Variants in LCORL observed in about 807,000 individuals in gnomAD.
LCORL encodes ligand dependent nuclear receptor corepressor like.
Under a neutral mutation model 141.8 loss-of-function variants are expected in LCORL, and 41 were observed. The ratio of observed to expected loss-of-function variants is 0.29; its 90% CI spans 0.23 to 0.38. The LOEUF (loss-of-function observed/expected upper bound fraction) is 0.38, where lower values mean the gene tolerates loss of function less well. Ranked by LOEUF, LCORL falls within the 10% of genes least tolerant of loss-of-function variation. The pLI, the probability that LCORL is intolerant of heterozygous loss-of-function variation, is 1.00. For missense variants in LCORL, 1,759 were observed against 2,035.0 expected (o/e 0.86, Z 2.61); for synonymous variants, 618 against 694.1 (o/e 0.89, Z 1.72).
chr4:17,941,571 A>G (rs906630261), intron 4 of LCORL, among the ~76,000 whole-genome samples: 2 of 152,184 alleles, frequency 1.3e-5, no homozygotes, highest in African/African-American at 4.8e-5. Context: ...TCCACTTCTT[A>G]TATAAGCTAA....
At chr4:17,911,889 A>C (rs1418901799) in intron 4 of LCORL, 1 of 485,180 alleles carries the variant, frequency 2.1e-6, no homozygotes, top group African/African-American at 2.0e-5. Context: ...GGGGTCTGGC[A>C]GGAAAGGGAG....
chr4:17,883,641 AAT>A, intron 6 of LCORL: 1 of 1,436,512 alleles, frequency 7.0e-7, no homozygotes, highest in Non-Finnish European at 9.1e-7. Flanking sequence ...TAGACACACA[AAT>A]ACACACCTGT....
At chr4:17,849,461 G>C (rs1428697736) in intron 7 of LCORL, among the ~76,000 whole-genome samples, 6 of 152,140 alleles carry the variant, frequency 3.9e-5, no homozygotes, top group East Asian at 1.9e-4. Flanking sequence ...CTGCAGCTGA[G>C]GGTCCTGTCT....
At chr4:17,846,065 T>C (rs573217421) in intron 7 of LCORL, among the ~76,000 whole-genome samples, 164 bp from the exon 8 acceptor site, 1 of 152,308 alleles carries the variant, frequency 6.6e-6, no homozygotes, top group South Asian at 2.1e-4. Flanking sequence ...GCCTACTTAC[T>C]GAACTAAATA....
At chr4:17,959,769 A>G (rs1577552378) in intron 4 of LCORL, among the ~76,000 whole-genome samples, 2 of 152,092 alleles carry the variant, frequency 1.3e-5, no homozygotes, top group South Asian at 4.1e-4. Context: ...TGCCATCCAT[A>G]TCCAGGATCC....
At chr4:17,928,133 A>G (rs555371402) in intron 4 of LCORL, among the ~76,000 whole-genome samples, 76 of 152,310 alleles carry the variant, frequency 5.0e-4, no homozygotes, top group African/African-American at 1.8e-3. Flanking sequence ...CTGGCTGGGC[A>G]TAGTAGCTCA....
rs371433313 is a variant in LCORL, at chr4:17,865,027, G to A, written c.5602+8361C>T. On this transcript the variant is annotated intron_variant, in intron 7 of 7. Coordinates refer to ENST00000635767, the Ensembl canonical transcript of LCORL. ...AAGCAAAACCTAACAGATCTGAAAG[G>A]ATAAAAAGGAAAATACACAATCATA... Among the ~76,000 whole-genome samples the A allele has an allele frequency of 1.9e-4, 29 of 152,210 alleles. 1 individual carries two copies. In the South Asian group the frequency reaches 3.1e-3, roughly 16 times the overall value.
chr4:17,888,486 A>T (rs571346108), intron 5 of LCORL, among the ~76,000 whole-genome samples: 10 of 152,234 alleles, frequency 6.6e-5, no homozygotes, highest in African/African-American at 1.9e-4. Context: ...CCCTCTGCCT[A>T]GAATGCTCTA....
intron 7 of LCORL, among the ~76,000 whole-genome samples, chr4:17,860,384 G>C (rs1216472483): frequency 1.3e-5 from 2 of 152,182 alleles, no homozygotes; most frequent in African/African-American, 4.8e-5. Flanking sequence ...GCAGACAAGA[G>C]AGCTTGTGCT....
At position 18,011,429 on chromosome 4, in the gene LCORL, TA is replaced by T. The variant is rs1301468567; in HGVS notation, c.154+10168del. 7.1e-3 allele frequency among the ~76,000 whole-genome samples: 957 copies of T among 134,050 alleles called. 3 individuals are homozygous for T. The highest frequency in any genetic ancestry group is 0.014 in the African/African-American group (510 of 36,642). The allele number at this position is 134,050 out of a possible 152,430, so 87.9% of individuals were successfully genotyped here. A position where few individuals can be genotyped will look rare whatever the true frequency, so the allele number is the denominator to read the frequency against. The stretch of plus-strand genomic sequence containing the variant: ...ATCTGATCATGCTTATTACCCATTT[TA>T]AAAAAAAAAAAAAAACAACTTCAAA... On this transcript the variant is annotated intron_variant, in intron 1 of 7. Coordinates refer to ENST00000635767, the Ensembl canonical transcript of LCORL.
At chr4:17,901,281 T>C (rs1329544908) in intron 5 of LCORL, among the ~76,000 whole-genome samples, 1 of 151,396 alleles carries the variant, frequency 6.6e-6, no homozygotes, top group African/African-American at 2.4e-5. Flanking sequence ...AAGTTACCTA[T>C]AAGGAAAAGA....
At chr4:17,873,946 G>C (rs1424440634) in exon 7 of LCORL, 14 of 1,233,832 alleles carry the variant, frequency 1.1e-5, no homozygotes, top group Non-Finnish European at 1.2e-5. Context: ...AAACTAGCAT[G>C]TATTTTGAAG....
intron 5 of LCORL, among the ~76,000 whole-genome samples, chr4:17,890,619 C>T (rs976258489): frequency 9.2e-5 from 14 of 151,916 alleles, no homozygotes; most frequent in African/African-American, 3.1e-4. Context: ...TGGTTGGAGA[C>T]GGGTCATTTA....
At chr4:17,945,410 G>GT (rs1738701939) in intron 4 of LCORL, among the ~76,000 whole-genome samples, 5 of 147,900 alleles carry the variant, frequency 3.4e-5, no homozygotes, top group African/African-American at 1.3e-4. Context: ...TATAAATTGG[G>GT]GTTTTTTTTT....
intron 4 of LCORL, among the ~76,000 whole-genome samples, chr4:17,937,908 A>G (rs1475949470): frequency 1.3e-5 from 2 of 152,026 alleles, no homozygotes; most frequent in Admixed American, 6.5e-5. Context: ...AATTTATAAC[A>G]TATTTAGAAT....
chr4:17,899,575 C>T (rs184586421), intron 5 of LCORL, among the ~76,000 whole-genome samples: 10 of 152,210 alleles, frequency 6.6e-5, no homozygotes, highest in African/African-American at 2.4e-4. Context: ...AAATTTTGTT[C>T]TTAATGTAAC....
chr4:17,951,779 C>T lies in LCORL; in HGVS notation c.430+10124G>A, dbSNP rs146459239. On this transcript the variant is annotated intron_variant, in intron 4 of 7. Coordinates refer to ENST00000635767, the Ensembl canonical transcript of LCORL. ...ATATTTTTTCTTTTGTTCACTAGAG[C>T]AGTGCCTGGCATGTAGTAGGAGCTT... is the stretch of plus-strand genomic sequence containing the variant. Among the ~76,000 whole-genome samples, 38 of 152,310 alleles carry T rather than the reference C, an allele frequency of 2.5e-4. No homozygotes were observed. The East Asian group carries it at 6.8e-3, about 27-fold the overall frequency.
intron 1 of LCORL, among the ~76,000 whole-genome samples, chr4:17,981,975 A>G (rs1340150156): frequency 6.6e-6 from 1 of 152,102 alleles, no homozygotes; most frequent in Admixed American, 6.6e-5. Flanking sequence ...TTTATATGGT[A>G]GAATACATGG....
exon 6 of LCORL, chr4:17,886,159 C>G: frequency 1.3e-6 from 2 of 1,565,148 alleles, no homozygotes; most frequent in Non-Finnish European, 1.8e-6. Flanking sequence ...AACACTCCAT[C>G]CCCTATAATT....
Sources: gnomAD v4.1 joint callset for allele counts (sites outside exome capture counted in the v4.1 genomes callset) on GRCh38, gnomAD v4.1.1 for gene constraint, MANE v1.5 for transcripts, NCBI Gene and HGNC (gene_info 2026-07-23, HGNC 2026-07-21) for gene names.